The following PDE6D variants were observed in gnomAD, a reference collection of about 807,000 sequenced individuals.
PDE6D encodes the protein retinal rod rhodopsin-sensitive cGMP 3',5'-cyclic phosphodiesterase subunit delta.
In PDE6D, 10 loss-of-function variants were observed where a neutral mutation model predicts 21.9. That is an observed-to-expected ratio of 0.46 (90% CI 0.28 to 0.78). The LOEUF is 0.78. Among genes scored for constraint, PDE6D ranks in the 30% least tolerant of loss-of-function variants. PDE6D has a pLI of 0.12. For synonymous variants in PDE6D, 59 were observed against 63.5 expected, an observed-to-expected ratio of 0.93 and a Z score of 0.34; for missense variants, 139 against 184.8, an observed-to-expected ratio of 0.75 and a Z score of 1.44.
At chr2:231,751,459 G>A (rs921972029) in intron 1 of PDE6D, among the ~76,000 whole-genome samples, 2 of 152,210 alleles carry the variant, frequency 1.3e-5, no homozygotes, top group African/African-American at 4.8e-5. Context: ...AACAGTTTCA[G>A]ATTTATAGAA....
chr2:231,769,232 A>C (rs765189731), intron 1 of PDE6D, among the ~76,000 whole-genome samples: 27 of 152,224 alleles, frequency 1.8e-4, no homozygotes, highest in Non-Finnish European at 3.1e-4. Flanking sequence ...TTCTGTTAAC[A>C]AATGTCTGAA....
At position 231,780,449 on chromosome 2, in the gene PDE6D, T is replaced by A. The variant is rs981474313; in HGVS notation, c.50+616A>T. 7.9e-5 allele frequency among the ~76,000 whole-genome samples: 12 copies of A among 152,130 alleles called. 1 individual carries two copies. The highest frequency in any genetic ancestry group is 1.3e-4 in the Non-Finnish European group (9 of 68,016). ...TGTTAAGACGAGGTCGATCTTGGACTTCTCTTTCCCCACCTCCCCCAACTA... is the reference window on the plus strand; with the variant it reads ...TGTTAAGACGAGGTCGATCTTGGACATCTCTTTCCCCACCTCCCCCAACTA... On this transcript the variant is annotated intron_variant, in intron 1 of 4. Coordinates refer to ENST00000287600, the MANE Select transcript of PDE6D (RefSeq NM_002601.4).
chr2:231,758,083 T>C (rs1280811433), intron 1 of PDE6D, among the ~76,000 whole-genome samples: 4 of 152,224 alleles, frequency 2.6e-5, no homozygotes, highest in Non-Finnish European at 5.9e-5. Context: ...ATAAATGTAA[T>C]TGTAAAAGTT....
chr2:231,753,484 G>A (rs2048859180), intron 1 of PDE6D, among the ~76,000 whole-genome samples: 1 of 152,052 alleles, frequency 6.6e-6, no homozygotes. Flanking sequence ...CTGGGAGGCG[G>A]AGCTTGCAGT....
chr2:231,751,067 T>A lies in PDE6D; in HGVS notation c.51-11879A>T, dbSNP rs970256853. ...GATGGAAAATCTAAAACATTTCAATTCATATCAATTCACCAAGAAATAAAT... is the reference window on the plus strand; with the variant it reads ...GATGGAAAATCTAAAACATTTCAATACATATCAATTCACCAAGAAATAAAT... On this transcript the variant is annotated intron_variant, in intron 1 of 4. Transcript: ENST00000287600. Among the ~76,000 whole-genome samples the A allele has an allele frequency of 3.9e-5, 6 of 152,176 alleles. No individual in the cohort carries two copies. In the South Asian group the frequency reaches 6.2e-4, roughly 16 times the overall value.
intron 1 of PDE6D, 87 bp downstream of exon 1, chr2:231,780,978 T>G: frequency 8.3e-7 from 1 of 1,202,604 alleles, no homozygotes; most frequent in Non-Finnish European, 1.2e-6. Context: ...GGGGCCCACC[T>G]GGCGCGGCCC....
intron 1 of PDE6D, among the ~76,000 whole-genome samples, chr2:231,758,287 A>ACC (rs2048899237): frequency 6.6e-6 from 1 of 150,440 alleles, no homozygotes; most frequent in Admixed American, 6.6e-5. Flanking sequence ...GATTACAGGC[A>ACC]CCCCCAGCTA....
chr2:231,780,567 G>A (rs1473778847), intron 1 of PDE6D, among the ~76,000 whole-genome samples: 4 of 152,162 alleles, frequency 2.6e-5, no homozygotes, highest in African/African-American at 9.7e-5. Context: ...GGACCTGAGA[G>A]AGTTTTAAAA....
intron 1 of PDE6D, among the ~76,000 whole-genome samples, chr2:231,752,594 A>G (rs2048848700): frequency 1.3e-5 from 2 of 152,092 alleles, no homozygotes; most frequent in African/African-American, 4.8e-5. Flanking sequence ...GGAAAACACA[A>G]CTGAAAGCTT....
At chr2:231,740,476 A>G (rs1215834384) in intron 1 of PDE6D, among the ~76,000 whole-genome samples, 1 of 151,898 alleles carries the variant, frequency 6.6e-6, no homozygotes, top group African/African-American at 2.4e-5. Context: ...TGAGCTCAGG[A>G]GTTTGAGATT....
At chr2:231,744,419 G>T (rs1380262346) in intron 1 of PDE6D, among the ~76,000 whole-genome samples, 1 of 151,312 alleles carries the variant, frequency 6.6e-6, no homozygotes, top group Non-Finnish European at 1.5e-5. Flanking sequence ...CCAGGTTAAG[G>T]ACTTAATTGC....
intron 1 of PDE6D, chr2:231,779,167 T>G (rs2049081296): frequency 6.6e-6 from 1 of 152,224 alleles, no homozygotes. Flanking sequence ...TTGATGTGGC[T>G]GCTTCCCTTG....
At chr2:231,757,798 G>A (rs2048894719) in intron 1 of PDE6D, among the ~76,000 whole-genome samples, 1 of 152,184 alleles carries the variant, frequency 6.6e-6, no homozygotes, top group South Asian at 2.1e-4. Flanking sequence ...CATGTATAAT[G>A]TGATCACAGT....
chr2:231,734,083 G>A lies in PDE6D; in HGVS notation c.372-1050C>T, dbSNP rs1037721193. 4.0e-5 allele frequency among the ~76,000 whole-genome samples: 6 copies of A among 151,864 alleles called. 1 individual carries two copies. Among genetic ancestry groups the A allele is most frequent in the Admixed American group, 3.3e-4 (5 of 15,250 alleles). Reference sequence around the variant, plus strand: ...AAAAAAATTAGCCAGGCGTGGTGGCGGGCGCCTATAGTCCCAGCTACTCGG... The same window carrying A: ...AAAAAAATTAGCCAGGCGTGGTGGCAGGCGCCTATAGTCCCAGCTACTCGG... On this transcript the variant is annotated intron_variant, in intron 4 of 4. Transcript: ENST00000287600.
chr2:231,780,800 G>A (rs1363074212), intron 1 of PDE6D, among the ~76,000 whole-genome samples: 1 of 152,104 alleles, frequency 6.6e-6, no homozygotes, highest in East Asian at 1.9e-4. Flanking sequence ...GGCACCTCTC[G>A]CAGCCCCGTC....
intron 1 of PDE6D, among the ~76,000 whole-genome samples, chr2:231,764,322 G>T (rs572194421): frequency 3.9e-5 from 6 of 152,188 alleles, no homozygotes; most frequent in Non-Finnish European, 8.8e-5. Context: ...GAGGCTGAGG[G>T]CAAGATTGCA....
At chr2:231,779,476 A>T (rs2049084220) in intron 1 of PDE6D, 1 of 140,398 alleles carries the variant, frequency 7.1e-6, no homozygotes, top group African/African-American at 2.5e-5. Context: ...GAAATCTCTC[A>T]ATTCTCCAGT....
At chr2:231,758,948 A>C (rs1410685619) in intron 1 of PDE6D, among the ~76,000 whole-genome samples, 2 of 152,122 alleles carry the variant, frequency 1.3e-5, no homozygotes, top group Non-Finnish European at 2.9e-5. Context: ...ATAGCCACTA[A>C]AGCCCATACT....
chr2:231,741,203 C>T (rs1037847350), intron 1 of PDE6D, among the ~76,000 whole-genome samples: 11 of 148,204 alleles, frequency 7.4e-5, no homozygotes, highest in African/African-American at 1.2e-4. Flanking sequence ...TAAAGAAAAG[C>T]GAAAAGCTTC....
Sources: gnomAD v4.1 joint callset for allele counts (sites outside exome capture counted in the v4.1 genomes callset) on GRCh38, gnomAD v4.1.1 for gene constraint, MANE v1.5 for transcripts, NCBI Gene and HGNC (gene_info 2026-07-23, HGNC 2026-07-21) for gene names.